DIAPH2: variants seen among roughly 807,000 people sequenced by gnomAD.
DIAPH2 encodes the protein diaphanous related formin 2.
A neutral mutation model predicts 92.7 loss-of-function variants in DIAPH2; 35 were observed. That is an observed-to-expected ratio of 0.38 (90% CI 0.29 to 0.50). The LOEUF is 0.50. Among genes scored for constraint, DIAPH2 ranks in the 20% least tolerant of loss-of-function variants. DIAPH2 has a pLI of 0.94. For missense variants in DIAPH2, 701 were observed against 819.5 expected (o/e 0.86, Z 1.77); for synonymous variants, 301 against 280.4 (o/e 1.07, Z -0.73).
At chrX:97,368,317 C>G (rs1366385825) in intron 24 of DIAPH2, among the ~76,000 whole-genome samples, 1 of 111,431 alleles carries the variant, frequency 9.0e-6, no homozygotes, top group Non-Finnish European at 1.9e-5. Context: ...TCAATCTTCC[C>G]TGAGCTTAAT....
At chrX:97,329,101 T>C (rs776913474) in intron 23 of DIAPH2, among the ~76,000 whole-genome samples, 1 of 112,239 alleles carries the variant, frequency 8.9e-6, no homozygotes, top group African/African-American at 3.2e-5. Context: ...GTTTCTCTTA[T>C]GCCCAGGTTT....
chrX:96,758,212 C>T lies in DIAPH2; in HGVS notation c.401C>T (p.Thr134Ile). Residue 134 changes from threonine to isoleucine, a missense_variant, in exon 4 of 27, where the codon ACC becomes ATC. This residue lies in a region of DIAPH2 where 131 missense variants were observed against 145.6 expected (regional missense o/e 0.90). Coordinates refer to ENST00000324765, the MANE Select transcript of DIAPH2 (RefSeq NM_006729.5). The part of the protein sequence containing the change: ...KAPLRNKDFT[T>I]KREMVVQYIS... ...CCTTTACGAAACAAAGACTTTACCA[C>T]CAAACGTGAGATGGTTGTCCAGTAT... is the stretch of plus-strand genomic sequence containing the variant. 1 of 1,206,067 alleles carries T rather than the reference C, an allele frequency of 8.3e-7. No individual in the cohort carries two copies. The highest frequency in any genetic ancestry group is 1.1e-6 in the Non-Finnish European group (1 of 893,385).
intron 5 of DIAPH2, among the ~76,000 whole-genome samples, chrX:96,888,891 G>A (rs1217705571): frequency 9.2e-6 from 1 of 109,093 alleles, no homozygotes; most frequent in African/African-American, 3.3e-5. Flanking sequence ...TGTATCTCTC[G>A]AGAGCCTAGG....
At chrX:96,824,346 A>G (rs750668964) in intron 4 of DIAPH2, among the ~76,000 whole-genome samples, 2 of 111,105 alleles carry the variant, frequency 1.8e-5, no homozygotes, top group Non-Finnish European at 3.8e-5. Flanking sequence ...TAAATTATCA[A>G]CTTACTGGAA....
chrX:97,413,032 G>A (rs2069895770), intron 25 of DIAPH2, among the ~76,000 whole-genome samples: 1 of 111,720 alleles, frequency 9.0e-6, no homozygotes, highest in South Asian at 3.8e-4. Context: ...AGAAAAAGAG[G>A]GAATCCTCCC....
chrX:97,549,456 A>T (rs1017416038), intron 26 of DIAPH2, among the ~76,000 whole-genome samples: 2 of 111,567 alleles, frequency 1.8e-5, no homozygotes, highest in Non-Finnish European at 3.8e-5. Context: ...TCCTTTATTA[A>T]TCTTTTTTCT....
At chrX:97,110,876 G>A (rs1034464672) in intron 20 of DIAPH2, among the ~76,000 whole-genome samples, 2 of 110,887 alleles carry the variant, frequency 1.8e-5, no homozygotes, top group African/African-American at 3.3e-5. Context: ...CCAGCTACTC[G>A]GGAGGCTGAG....
intron 20 of DIAPH2, among the ~76,000 whole-genome samples, chrX:97,109,229 G>A (rs886165464): frequency 1.4e-4 from 16 of 110,721 alleles, no homozygotes; most frequent in Non-Finnish European, 1.1e-4. Context: ...AGACCAGCCT[G>A]GGCAACATGG....
chrX:97,592,071 C>T (rs1401233113), intron 26 of DIAPH2, among the ~76,000 whole-genome samples: 2 of 112,053 alleles, frequency 1.8e-5, no homozygotes, highest in African/African-American at 6.5e-5. Context: ...AAGAGATTGG[C>T]TGTACATGTT....
At position 97,105,355 on chromosome X, in the gene DIAPH2, T is replaced by C. The variant is rs139768954; in HGVS notation, c.2349+5560T>C. On this transcript the variant is annotated intron_variant, in intron 20 of 26. Transcript: ENST00000324765. ...AAAACCCAGAGACTTTTCCTCTGTCTAGAGACAGATCCTGGTAAGGGGGAC... is the reference window on the plus strand; with the variant it reads ...AAAACCCAGAGACTTTTCCTCTGTCCAGAGACAGATCCTGGTAAGGGGGAC... Among the ~76,000 whole-genome samples the C allele has an allele frequency of 3.0e-3, 334 of 111,442 alleles. 3 individuals are homozygous for C. Among genetic ancestry groups the C allele is most frequent in the African/African-American group, 0.011 (329 of 30,683 alleles).
In DIAPH2 at chrX:96,726,824, G is replaced by A. The variant is rs180890198; in HGVS notation, c.133-8934G>A. ...CTTCTTGTACATAGGATTATTGTGA[G>A]GATTTAAACAAGGCAATGCCTGTAA... On this transcript the variant is annotated intron_variant, in intron 1 of 26. Transcript: ENST00000324765. 1.2e-4 allele frequency among the ~76,000 whole-genome samples: 14 copies of A among 112,160 alleles called. No homozygotes were observed. The East Asian group carries it at 3.6e-3, about 29-fold the overall frequency.
At chrX:97,471,690 CAAAAAAAAAA>C (rs34891772) in intron 26 of DIAPH2, among the ~76,000 whole-genome samples, 2 of 44,947 alleles carry the variant, frequency 4.4e-5, no homozygotes, top group South Asian at 1.9e-3. Flanking sequence ...AAATCCGTCT[CAAAAAAAAAA>C]AAAAAAAAAA....
chrX:97,087,917 A>G (rs1005379214), intron 19 of DIAPH2, among the ~76,000 whole-genome samples: 1 of 110,979 alleles, frequency 9.0e-6, no homozygotes, highest in Admixed American at 9.6e-5. Flanking sequence ...CCAGCTCATC[A>G]TGCATTCTTA....
At chrX:96,829,065 G>C (rs150973125) in intron 4 of DIAPH2, among the ~76,000 whole-genome samples, 1,499 of 112,114 alleles carry the variant, frequency 0.013, 30 homozygotes, top group African/African-American at 0.045. Context: ...GCTCTTTCTT[G>C]TTATTCAGGT....
At chrX:97,018,891 G>A (rs1194396571) in intron 17 of DIAPH2, among the ~76,000 whole-genome samples, 3 of 111,076 alleles carry the variant, frequency 2.7e-5, no homozygotes, top group South Asian at 3.8e-4. Context: ...AAAATCTTCC[G>A]TGCCCTACCT....
At chrX:97,215,626 G>A (rs1225267408) in intron 22 of DIAPH2, among the ~76,000 whole-genome samples, 5 of 111,537 alleles carry the variant, frequency 4.5e-5, no homozygotes, top group South Asian at 3.8e-4. Context: ...AGACTGCAAG[G>A]TGGTGTGGGA....
chrX:97,433,580 A>G (rs752522044), intron 26 of DIAPH2, among the ~76,000 whole-genome samples: 1 of 109,939 alleles, frequency 9.1e-6, no homozygotes, highest in East Asian at 3.1e-4. Flanking sequence ...AAATGTACAC[A>G]GGTGATAAAT....
chrX:97,049,821 C>A lies in DIAPH2; in HGVS notation c.2051-23120C>A, dbSNP rs957185117. ...CAAATAAGCATACACTGAGTCATTG[C>A]AACAGAAAAGTGCTTCATATACTGA... On this transcript the variant is annotated intron_variant, in intron 17 of 26. Transcript: ENST00000324765. 3.6e-5 allele frequency among the ~76,000 whole-genome samples: 4 copies of A among 111,091 alleles called. No individual in the cohort carries two copies. The Admixed American group carries it at 3.8e-4, about 11-fold the overall frequency.
intron 24 of DIAPH2, among the ~76,000 whole-genome samples, chrX:97,363,678 A>AC (rs2069350274): frequency 9.4e-6 from 1 of 106,170 alleles, no homozygotes; most frequent in Admixed American, 1.0e-4. Context: ...AAAAAAAAAA[A>AC]AAAAAAAAAA....
Sources: gnomAD v4.1 joint callset for allele counts (sites outside exome capture counted in the v4.1 genomes callset) on GRCh38, gnomAD v4.1.1 for gene constraint, gnomAD v4.1.1 regional missense constraint, MANE v1.5 for transcripts, NCBI Gene and HGNC (gene_info 2026-07-23, HGNC 2026-07-21) for gene names.